Variants in RBMS3 observed in about 807,000 individuals in gnomAD.
RBMS3 encodes RNA binding motif single stranded interacting protein 3, also known as RNA-binding motif, single-stranded-interacting protein 3.
RBMS3 carries 27 observed loss-of-function variants against 66.8 expected under a neutral mutation model. The observed-to-expected ratio is 0.40, with a 90% CI of 0.30 to 0.56. The LOEUF is 0.56. Ranked by LOEUF, RBMS3 falls within the 20% of genes least tolerant of loss-of-function variation. The pLI is 0.40. For synonymous variants in RBMS3, 188 were observed against 183.0 expected, an observed-to-expected ratio of 1.03 and a Z score of -0.22; for missense variants, 513 against 549.5, an observed-to-expected ratio of 0.93 and a Z score of 0.66.
At chr3:29,935,753 T>C (rs1433741854) in intron 10 of RBMS3, among the ~76,000 whole-genome samples, 1 of 152,066 alleles carries the variant, frequency 6.6e-6, no homozygotes, top group Admixed American at 6.6e-5. Flanking sequence ...TTCATATGTT[T>C]CAGTCAGAGA....
intron 2 of RBMS3, among the ~76,000 whole-genome samples, chr3:29,461,920 A>ATTTTTTTTTTTTTTTTTTTTTTTTTTTT (rs61115023): frequency 1.1e-5 from 1 of 93,298 alleles, no homozygotes; most frequent in Non-Finnish European, 2.0e-5. Context: ...TGCCCGGCTA[A>ATTTTTTTTTTTTTTTTTTTTTTTTTTTT]TTTTTTTTTT....
chr3:29,602,397 A>C (rs1419266885), intron 4 of RBMS3, among the ~76,000 whole-genome samples: 2 of 152,046 alleles, frequency 1.3e-5, no homozygotes, highest in Non-Finnish European at 2.9e-5. Context: ...GGAAATTAGT[A>C]ACTTGTGCAT....
intron 1 of RBMS3, among the ~76,000 whole-genome samples, chr3:29,324,611 C>T (rs2035205431): frequency 6.8e-6 from 1 of 147,506 alleles, no homozygotes; most frequent in Admixed American, 6.6e-5. Context: ...CCTTGTTATG[C>T]TCTCCCAGCA....
At chr3:29,475,716 GT>G in intron 2 of RBMS3, among the ~76,000 whole-genome samples, 1 of 152,180 alleles carries the variant, frequency 6.6e-6, no homozygotes, top group Non-Finnish European at 1.5e-5. Flanking sequence ...ATTATGGGAT[GT>G]GATAGGTGCC....
intron 6 of RBMS3, among the ~76,000 whole-genome samples, chr3:29,867,532 T>C (rs780944634): frequency 1.4e-5 from 2 of 144,798 alleles, no homozygotes; most frequent in Non-Finnish European, 3.0e-5. Context: ...AATGTTAGCA[T>C]GTTAAGGATG....
intron 1 of RBMS3, among the ~76,000 whole-genome samples, chr3:29,325,639 T>TACAC (rs1372892644): frequency 7.6e-5 from 5 of 65,704 alleles, no homozygotes; most frequent in Non-Finnish European, 1.2e-4. Context: ...TGTATATATA[T>TACAC]ACACATACAC....
At chr3:29,996,969 G>A (rs1255798998) in intron 14 of RBMS3, among the ~76,000 whole-genome samples, 1 of 151,990 alleles carries the variant, frequency 6.6e-6, no homozygotes, top group Non-Finnish European at 1.5e-5. Flanking sequence ...AAAAATTAAT[G>A]AATCCAGGAG....
At chr3:29,393,803 A>C (rs2039421552) in intron 1 of RBMS3, among the ~76,000 whole-genome samples, 1 of 152,082 alleles carries the variant, frequency 6.6e-6, no homozygotes, top group Non-Finnish European at 1.5e-5. Context: ...GAGCCACAAA[A>C]CCAGCAAGTT....
intron 1 of RBMS3, among the ~76,000 whole-genome samples, chr3:29,347,548 A>G (rs2036650097): frequency 1.3e-5 from 2 of 151,794 alleles, no homozygotes; most frequent in African/African-American, 2.4e-5. Flanking sequence ...CGATGGGGGG[A>G]AAATGGTCTA....
intron 4 of RBMS3, among the ~76,000 whole-genome samples, chr3:29,702,264 C>T (rs535351551): frequency 6.6e-6 from 1 of 152,266 alleles, no homozygotes; most frequent in East Asian, 1.9e-4. Context: ...ATGCACCAAT[C>T]AGTGCTCTGT....
chr3:29,680,230 T>G (rs535036081), intron 4 of RBMS3, among the ~76,000 whole-genome samples: 1 of 152,238 alleles, frequency 6.6e-6, no homozygotes, highest in South Asian at 2.1e-4. Flanking sequence ...ATAAATAAGA[T>G]CAGTGATGTT....
At chr3:29,876,936 C>G (rs1011534542) in intron 7 of RBMS3, among the ~76,000 whole-genome samples, 3 of 152,064 alleles carry the variant, frequency 2.0e-5, no homozygotes, top group Non-Finnish European at 4.4e-5. Context: ...GAAAGGAGGA[C>G]CATAATGTGG....
intron 6 of RBMS3, among the ~76,000 whole-genome samples, chr3:29,841,028 T>C (rs2058650692): frequency 6.6e-6 from 1 of 151,888 alleles, no homozygotes; most frequent in Admixed American, 6.6e-5. Context: ...TAAATTTATA[T>C]GCTCTGCCAA....
At chr3:29,505,489 G>A (rs1283398008) in intron 3 of RBMS3, among the ~76,000 whole-genome samples, 8 of 145,024 alleles carry the variant, frequency 5.5e-5, no homozygotes, top group South Asian at 2.2e-4. Context: ...GTCATGTAGT[G>A]TGATGCCTTC....
At chr3:29,623,852 T>A (rs1008148583) in intron 4 of RBMS3, among the ~76,000 whole-genome samples, 1 of 152,302 alleles carries the variant, frequency 6.6e-6, no homozygotes, top group East Asian at 1.9e-4. Context: ...GGACTATGAA[T>A]GAAGTGTAAC....
chr3:29,787,616 C>T (rs1287250466), intron 6 of RBMS3, among the ~76,000 whole-genome samples: 3 of 152,074 alleles, frequency 2.0e-5, no homozygotes, highest in Admixed American at 2.0e-4. Context: ...TGTATATTCT[C>T]ATATGTGGGA....
intron 12 of RBMS3, among the ~76,000 whole-genome samples, chr3:29,962,998 A>G (rs1321365223): frequency 1.3e-5 from 2 of 150,380 alleles, no homozygotes; most frequent in African/African-American, 4.9e-5. Flanking sequence ...CCAGTTCTGT[A>G]TCCCCTGTGC....
intron 12 of RBMS3, among the ~76,000 whole-genome samples, chr3:29,953,123 C>A (rs546786868): frequency 2.0e-5 from 3 of 151,940 alleles, no homozygotes; most frequent in Non-Finnish European, 2.9e-5. Flanking sequence ...AGAATTAGAG[C>A]TTGTGCAATA....
intron 1 of RBMS3, among the ~76,000 whole-genome samples, chr3:29,401,133 A>G (rs1043526622): frequency 1.3e-5 from 2 of 152,032 alleles, no homozygotes; most frequent in African/African-American, 2.4e-5. Context: ...ACAAAATTCA[A>G]TATCGATTGA....
Sources: allele counts gnomAD v4.1 joint callset (sites outside exome capture counted in the v4.1 genomes callset), GRCh38; gene constraint gnomAD v4.1.1; transcripts MANE v1.5; gene names NCBI Gene and HGNC (gene_info 2026-07-23, HGNC 2026-07-21).